DOCK1: variants seen among roughly 807,000 people sequenced by gnomAD.
DOCK1 encodes the protein dedicator of cytokinesis protein 1.
Under a neutral mutation model 262.7 loss-of-function variants are expected in DOCK1, and 138 were observed. The observed-to-expected ratio is 0.53, with a 90% CI of 0.46 to 0.61. DOCK1 has a LOEUF of 0.61. DOCK1 is among the 20% of genes least tolerant of loss of function. The pLI, the probability that DOCK1 is intolerant of heterozygous loss-of-function variation, is 0.00. For missense variants in DOCK1, 1,908 were observed against 2,370.7 expected (o/e 0.80, Z 4.05); for synonymous variants, 866 against 867.4 (o/e 1.00, Z 0.03).
chr10:127,164,851 G>A (rs2053938247), intron 27 of DOCK1, among the ~76,000 whole-genome samples: 2 of 152,148 alleles, frequency 1.3e-5, no homozygotes, highest in South Asian at 4.1e-4. Flanking sequence ...GAAATACTAA[G>A]TTGCAAAATG....
At chr10:127,036,790 A>G (rs2043649803) in intron 18 of DOCK1, among the ~76,000 whole-genome samples, 1 of 151,886 alleles carries the variant, frequency 6.6e-6, no homozygotes. Flanking sequence ...CCTGGCCAAC[A>G]TGGTGAAATC....
chr10:127,113,136 C>T (rs556348938), intron 25 of DOCK1, among the ~76,000 whole-genome samples: 1 of 152,080 alleles, frequency 6.6e-6, no homozygotes, highest in Admixed American at 6.5e-5. Context: ...TGCTTTTTTC[C>T]TGTTTCTTGT....
At chr10:127,160,874 T>C (rs2053539748) in intron 27 of DOCK1, among the ~76,000 whole-genome samples, 2 of 152,362 alleles carry the variant, frequency 1.3e-5, no homozygotes, top group South Asian at 4.1e-4. Flanking sequence ...TTACCCAGGT[T>C]TGTGCACTAG....
At chr10:127,124,293 A>G (rs1412564574) in intron 25 of DOCK1, among the ~76,000 whole-genome samples, 1 of 152,218 alleles carries the variant, frequency 6.6e-6, no homozygotes, top group South Asian at 2.1e-4. Context: ...AAAATATAAA[A>G]TCCTGAAAAC....
intron 47 of DOCK1, among the ~76,000 whole-genome samples, chr10:127,429,738 C>A (rs1044663623): frequency 6.6e-6 from 1 of 151,850 alleles, no homozygotes; most frequent in Non-Finnish European, 1.5e-5. Flanking sequence ...CTTTAGGGAG[C>A]GAGGTGTGCA....
chr10:127,352,632 G>A (rs539923121), intron 31 of DOCK1, among the ~76,000 whole-genome samples: 10 of 152,054 alleles, frequency 6.6e-5, no homozygotes, highest in East Asian at 1.9e-4. Context: ...TTTCTCTGTC[G>A]CCCAGGCTGG....
In DOCK1 at chr10:127,380,137, C is replaced by A. The variant is rs1224508735; in HGVS notation, c.3716+15C>A. 2.7e-6 allele frequency: 4 copies of A among 1,470,544 alleles called. No individual in the cohort carries two copies. The East Asian group carries it at 1.0e-4, about 37-fold the overall frequency. The allele number at this position is 1,470,544 out of a possible 1,614,324, so 91.1% of individuals were successfully genotyped here. On this transcript the variant is annotated intron_variant, in intron 36 of 51. Coordinates refer to ENST00000623213, the MANE Select transcript of DOCK1 (RefSeq NM_001290223.2). ...ATGTATATAAGGTATGTATGCATCA[C>A]GCTTGTCTGCATGTTAATTATAAAT...
intron 29 of DOCK1, among the ~76,000 whole-genome samples, chr10:127,323,408 T>A (rs1431293006): frequency 6.6e-6 from 1 of 152,180 alleles, no homozygotes; most frequent in Non-Finnish European, 1.5e-5. Flanking sequence ...GCAAAGTGCT[T>A]GTGGTTCCTT....
chr10:126,920,430 T>C (rs181581081), intron 1 of DOCK1, among the ~76,000 whole-genome samples: 152 of 152,334 alleles, frequency 1.0e-3, no homozygotes, highest in Non-Finnish European at 1.7e-3. Flanking sequence ...TTCCAGCTCC[T>C]AGTCATTGTG....
chr10:127,091,555 C>G (rs2047536321), intron 23 of DOCK1, among the ~76,000 whole-genome samples: 1 of 152,162 alleles, frequency 6.6e-6, no homozygotes, highest in Admixed American at 6.5e-5. Context: ...TCCAAGGAAT[C>G]AAAGCTCATG....
At chr10:127,342,779 G>T (rs372576060) in intron 30 of DOCK1, among the ~76,000 whole-genome samples, 1 of 123,048 alleles carries the variant, frequency 8.1e-6, no homozygotes, top group African/African-American at 2.7e-5. Flanking sequence ...CTTTTAAACC[G>T]CATATATGTA....
intron 27 of DOCK1, among the ~76,000 whole-genome samples, chr10:127,230,370 CT>C (rs1477360559): frequency 6.6e-6 from 1 of 151,802 alleles, no homozygotes; most frequent in Non-Finnish European, 1.5e-5. Flanking sequence ...GGTTTTTTTT[CT>C]TTATGTTTTC....
chr10:127,397,348 CT>C (rs2066942419), intron 38 of DOCK1, among the ~76,000 whole-genome samples: 1 of 150,708 alleles, frequency 6.6e-6, no homozygotes, highest in Non-Finnish European at 1.5e-5. Flanking sequence ...GCGGTGTCTC[CT>C]ATGTGATCTG....
At chr10:127,186,736 A>C (rs2056308538) in intron 27 of DOCK1, among the ~76,000 whole-genome samples, 1 of 151,916 alleles carries the variant, frequency 6.6e-6, no homozygotes. Context: ...TAGGAATCTC[A>C]TGCCACACTG....
chr10:127,108,787 T>C (rs929004621), intron 24 of DOCK1, among the ~76,000 whole-genome samples: 2 of 152,212 alleles, frequency 1.3e-5, no homozygotes, highest in Non-Finnish European at 2.9e-5. Flanking sequence ...AAATAGGTTT[T>C]GCACAAAGCA....
chr10:127,385,956 CCT>C, intron 38 of DOCK1, among the ~76,000 whole-genome samples: 1 of 152,284 alleles, frequency 6.6e-6, no homozygotes, highest in African/African-American at 2.4e-5. Context: ...ATCCAAATAC[CCT>C]GTTTCCAAAT....
intron 29 of DOCK1, among the ~76,000 whole-genome samples, chr10:127,321,204 T>A (rs1433700198): frequency 6.9e-6 from 1 of 145,058 alleles, no homozygotes; most frequent in Non-Finnish European, 1.5e-5. Context: ...TCGCTCTATC[T>A]CTCTCCCTCT....
At chr10:127,408,306 A>G (rs184020214) in intron 40 of DOCK1, among the ~76,000 whole-genome samples, 290 of 152,246 alleles carry the variant, frequency 1.9e-3, no homozygotes, top group Non-Finnish European at 2.1e-3. Context: ...GATGGACCAA[A>G]CCCAGCCCTT....
chr10:127,113,809 C>T (rs1340857952), intron 25 of DOCK1, among the ~76,000 whole-genome samples: 1 of 152,160 alleles, frequency 6.6e-6, no homozygotes, highest in East Asian at 1.9e-4. Context: ...AGCATTCAGC[C>T]TTCCTCTGCC....
Sources: gnomAD v4.1 joint callset for allele counts (sites outside exome capture counted in the v4.1 genomes callset) on GRCh38, gnomAD v4.1.1 for gene constraint, MANE v1.5 for transcripts, NCBI Gene and HGNC (gene_info 2026-07-23, HGNC 2026-07-21) for gene names.